PBX1: variants seen among roughly 807,000 people sequenced by gnomAD.
PBX1 encodes the protein PBX homeobox 1.
Under a neutral mutation model 53.4 loss-of-function variants are expected in PBX1, and 6 were observed. The ratio of observed to expected loss-of-function variants is 0.11; its 90% CI spans 0.06 to 0.22. PBX1 has a LOEUF of 0.22. Ranked by LOEUF, PBX1 falls within the 10% of genes least tolerant of loss-of-function variation. The pLI is 1.00. For synonymous variants in PBX1, 204 were observed against 212.3 expected (o/e 0.96, Z 0.34); for missense variants, 251 against 551.4 (o/e 0.46, Z 5.46).
intron 5 of PBX1, 25 bp from the exon 6 acceptor site, chr1:164,811,965 C>G (rs2102345574): frequency 3.1e-6 from 5 of 1,589,220 alleles, no homozygotes; most frequent in South Asian, 1.1e-5. Flanking sequence ...TGTGAACTTT[C>G]TCATCTTCTC....
At chr1:164,793,272 C>T (rs549845874) in intron 3 of PBX1, among the ~76,000 whole-genome samples, 1 of 152,240 alleles carries the variant, frequency 6.6e-6, no homozygotes, top group Non-Finnish European at 1.5e-5. Flanking sequence ...GAGAGTCAAA[C>T]GTATTCCCTC....
At chr1:164,655,100 G>GTTTTTTT (rs35954587) in intron 2 of PBX1, among the ~76,000 whole-genome samples, 13 of 138,826 alleles carry the variant, frequency 9.4e-5, no homozygotes, top group Non-Finnish European at 1.2e-4. Flanking sequence ...TCTGATGTGT[G>GTTTTTTT]TTTTTTTTTT....
chr1:164,811,930 TCTGCAA>T, intron 5 of PBX1, 54 bp from the exon 6 acceptor site: 3 of 1,459,834 alleles, frequency 2.1e-6, no homozygotes, highest in Admixed American at 4.0e-5. Flanking sequence ...TTTTTTTTCT[TCTGCAA>T]TGTTTCTGAA....
intron 2 of PBX1, among the ~76,000 whole-genome samples, chr1:164,782,205 G>C (rs901622109): frequency 6.6e-6 from 1 of 152,154 alleles, no homozygotes; most frequent in Non-Finnish European, 1.5e-5. Flanking sequence ...GCCGGGGGAT[G>C]GGGGAGCTGC....
intron 2 of PBX1, among the ~76,000 whole-genome samples, chr1:164,569,941 A>G (rs1214671390): frequency 6.6e-6 from 1 of 152,218 alleles, no homozygotes; most frequent in Non-Finnish European, 1.5e-5. Flanking sequence ...GAGGGGGAAA[A>G]GAGAATGGGT....
chr1:164,660,681 C>T (rs950082447), intron 2 of PBX1, among the ~76,000 whole-genome samples: 1 of 152,138 alleles, frequency 6.6e-6, no homozygotes, highest in South Asian at 2.1e-4. Flanking sequence ...CAGAACAGAG[C>T]AGCTTTTATG....
rs568818969 is a variant in PBX1, at chr1:164,848,445, C to G, written c.*1769C>G. On this transcript the variant is annotated 3_prime_UTR_variant, in exon 9 of 9. Transcript: ENST00000420696. ...TTTGTTCATATCCAATCTGTAAATGCGAAGTCAGGGGAAGTAATGTCCCTG... is the reference window on the plus strand; with the variant it reads ...TTTGTTCATATCCAATCTGTAAATGGGAAGTCAGGGGAAGTAATGTCCCTG... 1.3e-5 allele frequency: 14 copies of G among 1,055,858 alleles called. No individual in the cohort carries two copies. The highest frequency in any genetic ancestry group is 1.6e-5 in the Non-Finnish European group (14 of 873,378). 65.4% of individuals were successfully genotyped at this position (1,055,858 alleles called of 1,614,324 possible).
intron 2 of PBX1, among the ~76,000 whole-genome samples, chr1:164,775,771 C>A (rs540212230): frequency 6.6e-6 from 1 of 152,108 alleles, no homozygotes; most frequent in Non-Finnish European, 1.5e-5. Flanking sequence ...AATGGCTATT[C>A]GGTTTAATGG....
intron 2 of PBX1, among the ~76,000 whole-genome samples, chr1:164,618,306 G>GC (rs1459136820): frequency 6.8e-6 from 1 of 147,520 alleles, no homozygotes; most frequent in Admixed American, 6.8e-5. Context: ...GCGGGGGGGG[G>GC]GGGGCACTCA....
intron 2 of PBX1, among the ~76,000 whole-genome samples, chr1:164,870,342 T>TTTC (rs1672347983): frequency 8.7e-6 from 1 of 115,264 alleles, no homozygotes; most frequent in Non-Finnish European, 1.8e-5. Flanking sequence ...TCTTTCTTTC[T>TTTC]TTCTTTCTTT....
chr1:164,767,588 C>A (rs1052288086), intron 2 of PBX1, among the ~76,000 whole-genome samples: 1 of 151,610 alleles, frequency 6.6e-6, no homozygotes, highest in African/African-American at 2.4e-5. Flanking sequence ...ATAAGTCATC[C>A]CCAAAGAATT....
At chr1:164,641,134 G>A (rs578024590) in intron 2 of PBX1, 2 of 153,254 alleles carry the variant, frequency 1.3e-5, no homozygotes, top group East Asian at 3.9e-4. Flanking sequence ...TGTTCTTCCA[G>A]TTGTGTCCTC....
intron 2 of PBX1, among the ~76,000 whole-genome samples, chr1:164,710,710 G>A (rs191856221): frequency 4.8e-4 from 73 of 152,272 alleles, no homozygotes; most frequent in African/African-American, 1.6e-3. Context: ...CACGCCTGGC[G>A]GTGCTGGCTT....
At chr1:164,600,682 A>G (rs1656108590) in intron 2 of PBX1, among the ~76,000 whole-genome samples, 1 of 152,208 alleles carries the variant, frequency 6.6e-6, no homozygotes, top group South Asian at 2.1e-4. Flanking sequence ...TGGTTAAAGC[A>G]CCGGGCTAGT....
intron 2 of PBX1, among the ~76,000 whole-genome samples, chr1:164,574,446 A>G (rs1229229843): frequency 3.3e-5 from 5 of 152,208 alleles, no homozygotes; most frequent in African/African-American, 4.8e-5. Flanking sequence ...TCCATATTCC[A>G]TGGGTTGTGA....
chr1:164,782,190 C>T (rs941422830), intron 2 of PBX1, among the ~76,000 whole-genome samples: 13 of 152,152 alleles, frequency 8.5e-5, no homozygotes, highest in African/African-American at 2.9e-4. Flanking sequence ...CAGCCCAGCT[C>T]ATGGGCCGGG....
rs201314366 is a variant in PBX1, at chr1:164,561,651, T to TA, written c.192-1586dup. Among the ~76,000 whole-genome samples, 431 of 152,280 alleles carry TA rather than the reference T, an allele frequency of 2.8e-3. 2 individuals are homozygous for TA. Among genetic ancestry groups the TA allele is most frequent in the African/African-American group, 9.7e-3 (404 of 41,564 alleles). ...AGTGGAAGGGGCTAGTAAGAATAGA[T>TA]ACTACTTTTTTGATGTTCAGTCTCT... is the stretch of plus-strand genomic sequence containing the variant. On this transcript the variant is annotated intron_variant, in intron 1 of 8. Coordinates refer to ENST00000420696, the MANE Select transcript of PBX1 (RefSeq NM_002585.4).
intron 2 of PBX1, among the ~76,000 whole-genome samples, chr1:164,580,529 C>T (rs1388418137): frequency 2.0e-5 from 3 of 152,264 alleles, no homozygotes; most frequent in African/African-American, 7.2e-5. Flanking sequence ...ATCCACCTGC[C>T]TCGGCCTCCC....
intron 2 of PBX1, chr1:164,770,559 AGG>A (rs1667313684): frequency 6.6e-6 from 1 of 152,088 alleles, no homozygotes; most frequent in African/African-American, 2.4e-5. Context: ...TTTCCCCTTA[AGG>A]ATCTTCTCCT....
Sources: gnomAD v4.1 joint callset for allele counts (sites outside exome capture counted in the v4.1 genomes callset) on GRCh38, gnomAD v4.1.1 for gene constraint, MANE v1.5 for transcripts, NCBI Gene and HGNC (gene_info 2026-07-23, HGNC 2026-07-21) for gene names.